TGFBR1: variants seen among roughly 807,000 people sequenced by gnomAD.
TGFBR1 encodes TGF-beta receptor type-1.
A neutral mutation model predicts 55.1 loss-of-function variants in TGFBR1; 20 were observed. The ratio of observed to expected loss-of-function variants is 0.36; its 90% CI spans 0.26 to 0.53. The LOEUF is 0.53. Among genes scored for constraint, TGFBR1 ranks in the 20% least tolerant of loss-of-function variants. TGFBR1 has a pLI of 0.91. For missense variants in TGFBR1, 385 were observed against 617.6 expected, an observed-to-expected ratio of 0.62 and a Z score of 3.99; for synonymous variants, 220 against 214.8, an observed-to-expected ratio of 1.02 and a Z score of -0.21.
intron 3 of TGFBR1, among the ~76,000 whole-genome samples, chr9:99,135,998 G>T (rs1827428287): frequency 6.6e-6 from 1 of 151,846 alleles, no homozygotes; most frequent in African/African-American, 2.4e-5. Flanking sequence ...GGGATTACAG[G>T]TGTGCACCAC....
At chr9:99,106,451 AGACTGACGGT>A (rs1826416467) in intron 1 of TGFBR1, among the ~76,000 whole-genome samples, 1 of 152,236 alleles carries the variant, frequency 6.6e-6, no homozygotes, top group Admixed American at 6.5e-5. Context: ...TAAAAAATCA[AGACTGACGGT>A]GACGATTATA....
chr9:99,128,944 G>A lies in TGFBR1; in HGVS notation c.187G>A (p.Asp63Asn), dbSNP rs200779997. 3 of 1,613,824 alleles carry A rather than the reference G, an allele frequency of 1.9e-6. No homozygotes were observed. The highest frequency in any genetic ancestry group is 1.7e-5 in the Admixed American group (1 of 59,978). ...CTTTGTCTCTGTCACAGAGACCACA[G>A]ACAAAGTTATACACAACAGCATGTG... Reference protein sequence around the residue: ...LCFVSVTETTDKVIHNSMCIA... With the variant: ...LCFVSVTETTNKVIHNSMCIA... Residue 63 changes from aspartate (D) to asparagine (N), a missense_variant, in exon 2 of 9, where the codon GAC becomes AAC. Asp to Asn is a conservative substitution (Grantham distance 23, BLOSUM62 1). Transcript: ENST00000374994.
intron 8 of TGFBR1, among the ~76,000 whole-genome samples, 185 bp downstream of exon 8, chr9:99,147,969 A>G (rs776607764): frequency 6.6e-6 from 1 of 152,242 alleles, no homozygotes; most frequent in East Asian, 1.9e-4. Flanking sequence ...TGAAAGGGCC[A>G]TGGAACATTT....
At chr9:99,128,120 C>T (rs553650383) in intron 1 of TGFBR1, 29 of 403,202 alleles carry the variant, frequency 7.2e-5, no homozygotes, top group Non-Finnish European at 1.4e-4. Flanking sequence ...AGAGGTCACT[C>T]CTGGGGTTGA....
chr9:99,124,516 TA>T (rs1359627819), intron 1 of TGFBR1, among the ~76,000 whole-genome samples: 1 of 151,942 alleles, frequency 6.6e-6, no homozygotes, highest in East Asian at 1.9e-4. Flanking sequence ...CCTAGTTGAA[TA>T]AAAGGTTGGG....
Position 99,128,855 on chromosome 9 carries a change from C to G in TGFBR1, c.98C>G (p.Ala33Gly), listed in dbSNP as rs1554698880. 6.2e-7 allele frequency: 1 copy of G among 1,613,616 alleles called. No homozygotes were observed. Residue 33 changes from alanine to glycine, a missense_variant and splice_region_variant, in exon 2 of 9, where the codon GCG becomes GGG. Around this residue, in one of 5 missense-constraint regions of TGFBR1, gnomAD observed 37 missense variants for 40.2 expected, o/e 0.92. Transcript: ENST00000374994. ...AAAALLPGAT[A>G]LQCFCHLCTK... Reference sequence around the variant, plus strand: ...TCTAAGAATCTTTCTCTTTTTCCAGCGTTACAGTGTTTCTGCCACCTCTGT... The same window carrying G: ...TCTAAGAATCTTTCTCTTTTTCCAGGGTTACAGTGTTTCTGCCACCTCTGT...
chr9:99,132,569 G>A lies in TGFBR1; in HGVS notation c.404G>A (p.Cys135Tyr), dbSNP rs1466173693. ...ELAAVIAGPV[C>Y]FVCISLMLMV... ...GCAGCTGTCATTGCTGGACCAGTGT[G>A]CTTCGTCTGCATCTCACTCATGTTG... Residue 135 changes from cysteine (C) to tyrosine (Y), a missense_variant, in exon 3 of 9, where the codon TGC becomes TAC. Physicochemically the swap from Cys to Tyr is radical, Grantham distance 194. Transcript: ENST00000374994. 1 of 1,614,158 alleles carries A rather than the reference G, an allele frequency of 6.2e-7. No individual in the cohort carries two copies. The highest frequency in any genetic ancestry group is 8.5e-7 in the Non-Finnish European group (1 of 1,180,028).
intron 4 of TGFBR1, among the ~76,000 whole-genome samples, chr9:99,140,935 A>G (rs985583176): frequency 6.6e-6 from 1 of 152,198 alleles, no homozygotes; most frequent in Non-Finnish European, 1.5e-5. Flanking sequence ...AGCTGACCCT[A>G]CTGGCTCTTC....
intron 3 of TGFBR1, among the ~76,000 whole-genome samples, chr9:99,137,616 C>A (rs962670040): frequency 2.6e-5 from 4 of 152,200 alleles, no homozygotes; most frequent in Non-Finnish European, 4.4e-5. Flanking sequence ...ATTCAACTTA[C>A]TTTTACAAAG....
intron 6 of TGFBR1, 83 bp from the exon 7 acceptor site, chr9:99,146,402 T>C: frequency 6.8e-6 from 10 of 1,469,468 alleles, no homozygotes; most frequent in Non-Finnish European, 9.5e-6. Flanking sequence ...TGTCTATGTA[T>C]AAAGAAATGT....
intron 1 of TGFBR1, chr9:99,127,675 GC>G (rs1827079054): frequency 3.0e-6 from 1 of 329,552 alleles, no homozygotes; most frequent in South Asian, 2.4e-5. Flanking sequence ...GCCCCTGTCT[GC>G]CTAGCCACTC....
upstream of TGFBR1, among the ~76,000 whole-genome samples, chr9:99,104,609 T>C (rs1373435234): frequency 6.6e-6 from 1 of 151,828 alleles, no homozygotes; most frequent in Non-Finnish European, 1.5e-5. Flanking sequence ...TTGAAGTGGA[T>C]GCAGGGGCCT....
rs1827278456 is a variant in TGFBR1, at chr9:99,132,673, T to G, written c.508T>G (p.Phe170Val). Residue 170 changes from phenylalanine to valine, a missense_variant, in exon 3 of 9, where the codon TTT becomes GTT. By Grantham distance (50) the Phe-to-Val change is conservative (BLOSUM62 -1). This residue lies in a region of TGFBR1 where 146 missense variants were observed against 167.7 expected (regional missense o/e 0.87). Coordinates refer to ENST00000374994, the MANE Select transcript of TGFBR1 (RefSeq NM_004612.4). Reference sequence around the variant, plus strand: ...AGAGGACCCTTCATTAGATCGCCCTTTTATTTCAGAGGGTACTACGTTGAA... The same window carrying G: ...AGAGGACCCTTCATTAGATCGCCCTGTTATTTCAGAGGGTACTACGTTGAA... ...NEEDPSLDRPFISEGTTLKDL... is the reference protein window; with the variant it reads ...NEEDPSLDRPVISEGTTLKDL... 1 of 1,614,038 alleles carries G rather than the reference T, an allele frequency of 6.2e-7. No homozygotes were observed. Among genetic ancestry groups the G allele is most frequent in the Non-Finnish European group, 8.5e-7 (1 of 1,180,026 alleles).
chr9:99,135,852 C>CTTTTT (rs397954803), intron 3 of TGFBR1, among the ~76,000 whole-genome samples: 3 of 125,968 alleles, frequency 2.4e-5, no homozygotes, highest in African/African-American at 6.0e-5. Context: ...AAAATTGTTA[C>CTTTTT]TTTTTTTTTT....
chr9:99,130,382 C>A (rs1305227013), intron 2 of TGFBR1, among the ~76,000 whole-genome samples: 4 of 152,304 alleles, frequency 2.6e-5, no homozygotes, highest in Admixed American at 2.6e-4. Context: ...GGAGGAAGCA[C>A]TGCTGTAGCG....
At chr9:99,132,481 G>C in intron 2 of TGFBR1, 28 bp from the exon 3 acceptor site, 7 of 1,612,916 alleles carry the variant, frequency 4.3e-6, no homozygotes, top group Non-Finnish European at 5.9e-6. Context: ...CGTTGTTGAT[G>C]TTTATTTCAC....
intron 6 of TGFBR1, among the ~76,000 whole-genome samples, chr9:99,146,242 T>C (rs989957086): frequency 4.6e-5 from 7 of 152,200 alleles, no homozygotes; most frequent in Non-Finnish European, 8.8e-5. Flanking sequence ...TGTATGTCTT[T>C]CATTGGAAAC....
At chr9:99,134,802 T>TATATA (rs1554700024) in intron 3 of TGFBR1, among the ~76,000 whole-genome samples, 3 of 41,370 alleles carry the variant, frequency 7.3e-5, no homozygotes, top group African/African-American at 3.6e-4. Context: ...TCTGTTTCCA[T>TATATA]TATATATATA....
chr9:99,114,994 C>CAGT, intron 1 of TGFBR1, among the ~76,000 whole-genome samples: 1 of 152,062 alleles, frequency 6.6e-6, no homozygotes. Context: ...ACAGTAATCC[C>CAGT]AGTATTCATG....
Sources: allele counts gnomAD v4.1 joint callset (sites outside exome capture counted in the v4.1 genomes callset), GRCh38; gene constraint gnomAD v4.1.1; regional missense constraint gnomAD v4.1.1; transcripts MANE v1.5; gene names NCBI Gene and HGNC (gene_info 2026-07-23, HGNC 2026-07-21).